TNIK: variants seen among roughly 807,000 people sequenced by gnomAD.
TNIK encodes TRAF2 and NCK interacting kinase.
TNIK carries 49 observed loss-of-function variants against 191.3 expected under a neutral mutation model. That is an observed-to-expected ratio of 0.26 (90% CI 0.20 to 0.32). The LOEUF (loss-of-function observed/expected upper bound fraction) is 0.32, where lower values mean the gene tolerates loss of function less well. TNIK is among the 10% of genes least tolerant of loss of function. TNIK has a pLI of 1.00. For synonymous variants in TNIK, 594 were observed against 600.9 expected, an observed-to-expected ratio of 0.99 and a Z score of 0.17; for missense variants, 1,155 against 1,702.3, an observed-to-expected ratio of 0.68 and a Z score of 5.66.
chr3:171,316,657 T>C (rs116664861), intron 2 of TNIK, among the ~76,000 whole-genome samples: 3,995 of 152,140 alleles, frequency 0.026, 173 homozygotes, highest in African/African-American at 0.09. Context: ...CTATTCTGAG[T>C]GCAGTAAGAA....
In TNIK at chr3:171,194,555, C is replaced by A; in HGVS notation, c.387G>T (p.Trp129Cys). ...AGATTTCCCTGCAGATGTATGCAATCCACTCCTCTTTCAACGTGTTACCTT... is the reference window on the plus strand; with the variant it reads ...AGATTTCCCTGCAGATGTATGCAATACACTCCTCTTTCAACGTGTTACCTT... ...NTKGNTLKEE[W>C]IAYICREILR... The change falls in exon 5 of 33, where the codon TGG becomes TGT. Residue 129 changes from tryptophan (W) to cysteine (C), a missense_variant. Physicochemically the swap from Trp to Cys is radical, Grantham distance 215. Coordinates refer to ENST00000436636, the MANE Select transcript of TNIK (RefSeq NM_015028.4). The A allele has an allele frequency of 6.2e-7, 1 of 1,613,934 alleles. No homozygotes were observed. The highest frequency in any genetic ancestry group is 8.5e-7 in the Non-Finnish European group (1 of 1,179,852).
intron 9 of TNIK, among the ~76,000 whole-genome samples, chr3:171,172,555 A>G (rs2108771845): frequency 6.6e-6 from 1 of 152,346 alleles, no homozygotes; most frequent in East Asian, 1.9e-4. Flanking sequence ...TTTTCACTTA[A>G]AAACTGGTGG....
At chr3:171,435,141 T>C (rs1725877448) in intron 1 of TNIK, among the ~76,000 whole-genome samples, 1 of 152,188 alleles carries the variant, frequency 6.6e-6, no homozygotes, top group Admixed American at 6.5e-5. Context: ...CTTTAGATAA[T>C]ATCCAAGTCC....
intron 11 of TNIK, among the ~76,000 whole-genome samples, chr3:171,160,224 C>T (rs1324109595): frequency 1.3e-5 from 2 of 152,156 alleles, no homozygotes; most frequent in African/African-American, 4.8e-5. Flanking sequence ...AATCCTGTGG[C>T]AGGTGAAGAG....
intron 2 of TNIK, among the ~76,000 whole-genome samples, chr3:171,337,135 A>T (rs1007365247): frequency 6.6e-6 from 1 of 152,248 alleles, no homozygotes; most frequent in South Asian, 2.1e-4. Flanking sequence ...TGTGCTGTGC[A>T]CTAACAGGAC....
Position 171,419,614 on chromosome 3 carries a change from C to G in TNIK, c.57+40393G>C, listed in dbSNP as rs547366922. On this transcript the variant is annotated intron_variant, in intron 1 of 32. Transcript: ENST00000436636. ...GAAGTCCTGGGCTCAGATCCCAGTG[C>G]TCCCACTCATTAGCTGTGTAACCTT... Among the ~76,000 whole-genome samples, 136 of 152,340 alleles carry G rather than the reference C, an allele frequency of 8.9e-4. 1 individual carries two copies. The highest frequency in any genetic ancestry group is 2.9e-3 in the African/African-American group (120 of 41,582).
At chr3:171,147,790 T>C (rs1731834652) in intron 12 of TNIK, among the ~76,000 whole-genome samples, 1 of 152,142 alleles carries the variant, frequency 6.6e-6, no homozygotes, top group Non-Finnish European at 1.5e-5. Flanking sequence ...CAGGCCAATA[T>C]CTTGCCCAAG....
chr3:171,153,971 G>C (rs986041917), intron 12 of TNIK, among the ~76,000 whole-genome samples: 1 of 152,196 alleles, frequency 6.6e-6, no homozygotes, highest in Non-Finnish European at 1.5e-5. Context: ...CACAATGGGA[G>C]ACTGTATTTC....
At chr3:171,153,238 C>T (rs920029178) in intron 12 of TNIK, among the ~76,000 whole-genome samples, 26 of 152,054 alleles carry the variant, frequency 1.7e-4, no homozygotes, top group African/African-American at 6.3e-4. Flanking sequence ...GTGTTCCTTC[C>T]ACTTCCTTAT....
At position 171,107,118 on chromosome 3, in the gene TNIK, A is replaced by G. The variant is rs142677360; in HGVS notation, c.2406+65T>C. On this transcript the variant is annotated intron_variant, in intron 21 of 32. Coordinates refer to ENST00000436636, the MANE Select transcript of TNIK (RefSeq NM_015028.4). The stretch of plus-strand genomic sequence containing the variant: ...CCATTGGCCACCTTTCTGAATGTCA[A>G]CATTAGGAAATAAGTTTAATATTTA... 927 of 1,539,918 alleles carry G rather than the reference A, an allele frequency of 6.0e-4. 5 individuals carry two copies. In the African/African-American group the frequency reaches 9.2e-3, roughly 15 times the overall value.
At chr3:171,271,973 C>G (rs1366194705) in intron 2 of TNIK, among the ~76,000 whole-genome samples, 1 of 152,164 alleles carries the variant, frequency 6.6e-6, no homozygotes, top group Non-Finnish European at 1.5e-5. Context: ...CAACAGGCAC[C>G]CAAAACATTT....
chr3:171,101,690 T>A (rs1723592165), intron 21 of TNIK, 57 bp from the exon 22 acceptor site: 1 of 1,552,190 alleles, frequency 6.4e-7, no homozygotes, highest in Non-Finnish European at 8.7e-7. Context: ...AAGCTACATC[T>A]CTCAGCAAGT....
intron 2 of TNIK, among the ~76,000 whole-genome samples, chr3:171,320,031 C>T (rs992143999): frequency 6.6e-6 from 1 of 152,084 alleles, no homozygotes; most frequent in African/African-American, 2.4e-5. Flanking sequence ...TGTGGCTATT[C>T]AATATGCACC....
chr3:171,199,101 G>C (rs1178402767), intron 4 of TNIK, among the ~76,000 whole-genome samples: 7 of 152,010 alleles, frequency 4.6e-5, no homozygotes, highest in Non-Finnish European at 8.8e-5. Flanking sequence ...ACTACTGTCA[G>C]TGATTTCTAT....
chr3:171,136,569 G>A (rs1274682045), intron 15 of TNIK, among the ~76,000 whole-genome samples: 1 of 152,178 alleles, frequency 6.6e-6, no homozygotes, highest in African/African-American at 2.4e-5. Context: ...TCTCCCATGG[G>A]TGATGCTCAA....
chr3:171,154,571 A>G (rs932450666), intron 12 of TNIK, among the ~76,000 whole-genome samples: 3 of 152,250 alleles, frequency 2.0e-5, no homozygotes, highest in African/African-American at 7.2e-5. Flanking sequence ...AGAATCAAAC[A>G]TCACCACAAA....
At chr3:171,306,226 G>T (rs1753437055) in intron 2 of TNIK, among the ~76,000 whole-genome samples, 1 of 152,118 alleles carries the variant, frequency 6.6e-6, no homozygotes, top group Non-Finnish European at 1.5e-5. Flanking sequence ...GAGGAGGTTA[G>T]GAGGAGGGAG....
intron 1 of TNIK, among the ~76,000 whole-genome samples, chr3:171,422,184 C>A (rs994865208): frequency 1.3e-5 from 2 of 152,116 alleles, no homozygotes; most frequent in Non-Finnish European, 2.9e-5. Context: ...GTCAGTTTGA[C>A]TAAACCATTG....
Position 171,349,001 on chromosome 3 carries a change from G to C in TNIK, c.123+20619C>G, listed in dbSNP as rs138829133. ...TTTAATGAAAAATATTAAGCAAAAA[G>C]ACTGCAAGTTCTAGGATGAACTTGG... On this transcript the variant is annotated intron_variant, in intron 2 of 32. Transcript: ENST00000436636. Among the ~76,000 whole-genome samples the C allele has an allele frequency of 3.9e-3, 588 of 149,556 alleles. 5 individuals carry two copies. The highest frequency in any genetic ancestry group is 0.013 in the African/African-American group (541 of 40,852).
Sources: gnomAD v4.1 joint callset for allele counts (sites outside exome capture counted in the v4.1 genomes callset) on GRCh38, gnomAD v4.1.1 for gene constraint, MANE v1.5 for transcripts, NCBI Gene and HGNC (gene_info 2026-07-23, HGNC 2026-07-21) for gene names.